Variants in RLF observed in about 807,000 individuals in gnomAD.
The protein encoded by RLF is zinc finger protein Rlf.
A neutral mutation model predicts 162.9 loss-of-function variants in RLF; 7 were observed. That is an observed-to-expected ratio of 0.04 (90% confidence interval 0.02 to 0.08). RLF has a LOEUF of 0.08. Among genes scored for constraint, RLF ranks in the 10% least tolerant of loss-of-function variants. RLF has a pLI of 1.00. For synonymous variants in RLF, 782 were observed against 791.5 expected (o/e 0.99, Z 0.20); for missense variants, 1,664 against 2,244.7 (o/e 0.74, Z 5.23).
At position 40,193,156 on chromosome 1, in the gene RLF, G is replaced by C. The variant is rs757430566; in HGVS notation, c.474+2303G>C. Among the ~76,000 whole-genome samples, 141 of 148,784 alleles carry C rather than the reference G, an allele frequency of 9.5e-4. 1 individual carries two copies. The highest frequency in any genetic ancestry group is 1.6e-3 in the Non-Finnish European group (107 of 67,210). ...AAAAAAAAAAAAAAAAGAGCATCTTGTGCTATTATTTCTGTATTGTAGATT... is the reference window on the plus strand; with the variant it reads ...AAAAAAAAAAAAAAAAGAGCATCTTCTGCTATTATTTCTGTATTGTAGATT... On this transcript the variant is annotated intron_variant, in intron 3 of 7. Coordinates refer to ENST00000372771, the MANE Select transcript of RLF (RefSeq NM_012421.4).
At chr1:40,178,630 T>G (rs1489702899) in intron 1 of RLF, among the ~76,000 whole-genome samples, 2 of 143,058 alleles carry the variant, frequency 1.4e-5, no homozygotes, top group African/African-American at 2.8e-5. Context: ...TTTTTTTTTT[T>G]TGTTTTTTTT....
At chr1:40,217,061 CAAG>C (rs1642934140) in intron 5 of RLF, among the ~76,000 whole-genome samples, 1 of 152,052 alleles carries the variant, frequency 6.6e-6, no homozygotes, top group Non-Finnish European at 1.5e-5. Context: ...AAAAAAGAGA[CAAG>C]AATTCCAGAA....
chr1:40,166,787 A>T lies in RLF; in HGVS notation c.237+5151A>T, dbSNP rs1642171284. Among the ~76,000 whole-genome samples the T allele has an allele frequency of 2.8e-5, 4 of 142,126 alleles. No individual in the cohort carries two copies. The South Asian group carries it at 9.1e-4, about 32-fold the overall frequency. The allele number at this position is 142,126 out of a possible 152,430, so 93.2% of individuals were successfully genotyped here. A position where few individuals can be genotyped will look rare whatever the true frequency, so the allele number is the denominator to read the frequency against. On this transcript the variant is annotated intron_variant, in intron 1 of 7. Transcript: ENST00000372771. ...CCAAACACCGCACGTTCTCACTCAT[A>T]GGTGGGAATTGAACAGTGAGAACAC...
At position 40,221,606 on chromosome 1, in the gene RLF, CAA is replaced by C. The variant is rs570762400; in HGVS notation, c.811-957_811-956del. On this transcript the variant is annotated intron_variant, in intron 5 of 7. Transcript: ENST00000372771. ...GCTGTTTACCTCATTTGCTCTGATG[CAA>C]AAAAAAAAAAGGCCGGGCACGGTGG... 2.1e-4 allele frequency among the ~76,000 whole-genome samples: 27 copies of C among 130,664 alleles called. 1 individual carries two copies. The highest frequency in any genetic ancestry group is 4.7e-4 in the Admixed American group (6 of 12,648). The allele number at this position is 130,664 out of a possible 152,430, so 85.7% of individuals were successfully genotyped here. A position where few individuals can be genotyped will look rare whatever the true frequency, so the allele number is the denominator to read the frequency against.
rs1642685433 is a variant in RLF, at chr1:40,199,674, G to GT, written c.608-2736dup. 1.3e-5 allele frequency among the ~76,000 whole-genome samples: 2 copies of GT among 152,194 alleles called. 1 individual carries two copies. The highest frequency in any genetic ancestry group is 4.1e-4 in the South Asian group (2 of 4,828). On this transcript the variant is annotated intron_variant, in intron 4 of 7. Coordinates refer to ENST00000372771, the MANE Select transcript of RLF (RefSeq NM_012421.4). ...GCTGTGGGAATTTGCAAGGCGATAG[G>GT]TTGTGTAGGTAATATGCCTGTTATC...
intron 1 of RLF, among the ~76,000 whole-genome samples, chr1:40,166,586 A>G (rs1448440471): frequency 6.6e-6 from 1 of 152,046 alleles, no homozygotes; most frequent in African/African-American, 2.4e-5. Flanking sequence ...TCACAATAGC[A>G]AAGACTTGGA....
At chr1:40,234,519 T>A (rs1260291023) in intron 7 of RLF, among the ~76,000 whole-genome samples, 1 of 152,270 alleles carries the variant, frequency 6.6e-6, no homozygotes, top group African/African-American at 2.4e-5. Context: ...ATTTACTCCA[T>A]TATTTTACAT....
chr1:40,189,700 G>C (rs576222179), intron 2 of RLF, among the ~76,000 whole-genome samples: 10 of 152,226 alleles, frequency 6.6e-5, no homozygotes, highest in Admixed American at 3.3e-4. Flanking sequence ...TTGGGAAGAG[G>C]CTGAGGCACG....
At chr1:40,189,945 G>A (rs1475969395) in intron 2 of RLF, among the ~76,000 whole-genome samples, 1 of 152,174 alleles carries the variant, frequency 6.6e-6, no homozygotes, top group South Asian at 2.1e-4. Flanking sequence ...GCATCACCTT[G>A]TTCAACTTAC....
In RLF at chr1:40,239,991, T is replaced by C. The variant is rs1245791211; in HGVS notation, c.5289T>C (p.Thr1763=). 5 of 1,613,856 alleles carry C rather than the reference T, an allele frequency of 3.1e-6. No homozygotes were observed. The South Asian group carries it at 5.5e-5, about 18-fold the overall frequency. ...HSQPRSFDLK[T]YKPMGFESSF... ...AGCCCCGGTCATTTGATTTGAAGAC[T>C]TACAAACCTATGGGATTTGAATCTT... Residue 1763 remains threonine (T), a synonymous_variant, in exon 8 of 8, where the codon ACT becomes ACC. Coordinates refer to ENST00000372771, the MANE Select transcript of RLF (RefSeq NM_012421.4).
chr1:40,206,002 C>T (rs1170398942), intron 5 of RLF, among the ~76,000 whole-genome samples: 4 of 152,138 alleles, frequency 2.6e-5, no homozygotes, highest in East Asian at 1.9e-4. Context: ...TTATTTCCTT[C>T]ATCTTTGGCT....
At chr1:40,200,701 G>A (rs1023224174) in intron 4 of RLF, among the ~76,000 whole-genome samples, 4 of 151,668 alleles carry the variant, frequency 2.6e-5, no homozygotes, top group African/African-American at 9.7e-5. Flanking sequence ...GGGTAGGAGG[G>A]AGAAAAACTT....
intron 5 of RLF, among the ~76,000 whole-genome samples, chr1:40,214,168 A>T (rs547274585): frequency 1.3e-5 from 2 of 152,220 alleles, no homozygotes; most frequent in South Asian, 4.1e-4. Flanking sequence ...TTCAGTATAC[A>T]TTCATTGGAG....
At chr1:40,219,234 A>G (rs1377308339) in intron 5 of RLF, among the ~76,000 whole-genome samples, 3 of 152,156 alleles carry the variant, frequency 2.0e-5, no homozygotes, top group Non-Finnish European at 4.4e-5. Context: ...TCTTTATCAT[A>G]TCTTTTCCTC....
rs1462634508 is a variant in RLF at position 40,238,563 on chromosome 1, C to T, written c.3861C>T (p.Gly1287=). The change falls in exon 8 of 8, where the codon GGC becomes GGT. Residue 1287 remains glycine, a synonymous_variant. Transcript: ENST00000372771. The surrounding 1 kb of genome is among the most constrained non-coding windows in gnomAD (Gnocchi z 5.2). Reference sequence around the variant, plus strand: ...GAGAAGAACAAGAAGGAAGAGAGGGCAGAGGTAGCAGGCGAACTGTTGCTA... The same window carrying T: ...GAGAAGAACAAGAAGGAAGAGAGGGTAGAGGTAGCAGGCGAACTGTTGCTA... ...SHREEQEGRE[G]RGSRRTVAKG... The T allele has an allele frequency of 1.2e-6, 2 of 1,613,728 alleles. No individual in the cohort carries two copies. Among genetic ancestry groups the T allele is most frequent in the South Asian group, 2.2e-5 (2 of 91,076 alleles).
intron 6 of RLF, among the ~76,000 whole-genome samples, chr1:40,225,966 C>G (rs539721565): frequency 6.8e-4 from 101 of 148,594 alleles, no homozygotes; most frequent in African/African-American, 2.4e-3. Context: ...GCAGGAGAAT[C>G]GCTTGAGCCT....
At position 40,161,435 on chromosome 1, in the gene RLF, CGGGGCT is replaced by C; in HGVS notation, c.44_49del (p.Gly15_Ala16del). 5 of 1,558,938 alleles carry C rather than the reference CGGGGCT, an allele frequency of 3.2e-6. No homozygotes were observed. Among genetic ancestry groups the C allele is most frequent in the Admixed American group, 2.1e-5 (1 of 46,586 alleles). On this transcript the variant is annotated inframe_deletion, in exon 1 of 8. Coordinates refer to ENST00000372771, the MANE Select transcript of RLF (RefSeq NM_012421.4). The surrounding 1 kb of genome is among the most constrained non-coding windows in gnomAD (Gnocchi z 4.4). The stretch of plus-strand genomic sequence containing the variant: ...GAAAGGGAGACGCCGCCGCTGTCGC[CGGGGCT>C]GGGGCTGAGGCTCCGGCGGTAGCGG...
At chr1:40,183,630 C>T (rs1443618671) in intron 1 of RLF, among the ~76,000 whole-genome samples, 1 of 151,994 alleles carries the variant, frequency 6.6e-6, no homozygotes, top group African/African-American at 2.4e-5. Flanking sequence ...ATAAAGAAAG[C>T]GTGGTGATTA....
At chr1:40,235,554 A>T (rs990967895) in intron 7 of RLF, among the ~76,000 whole-genome samples, 2 of 152,202 alleles carry the variant, frequency 1.3e-5, no homozygotes, top group African/African-American at 4.8e-5. Flanking sequence ...CCTTGGAAGT[A>T]AGGAACTGCT....
Sources: gnomAD v4.1 joint callset for allele counts (sites outside exome capture counted in the v4.1 genomes callset) on GRCh38, gnomAD v4.1.1 for gene constraint, Gnocchi (gnomAD v3.1) non-coding constraint, MANE v1.5 for transcripts, NCBI Gene and HGNC (gene_info 2026-07-23, HGNC 2026-07-21) for gene names.